Variants in ZC4H2 observed in about 807,000 individuals in gnomAD.
ZC4H2 encodes the protein zinc finger C4H2-type containing.
For missense variants in ZC4H2, 137 were observed against 173.9 expected, an observed-to-expected ratio of 0.79 and a Z score of 1.19; for synonymous variants, 84 against 66.3, an observed-to-expected ratio of 1.27 and a Z score of -1.30.
At chrX:64,962,462 G>A (rs1340447679) in intron 1 of ZC4H2, among the ~76,000 whole-genome samples, 2 of 111,209 alleles carry the variant, frequency 1.8e-5, no homozygotes, top group Non-Finnish European at 3.8e-5. Flanking sequence ...ATACTTAATG[G>A]TAAAACACTG....
chrX:64,995,635 C>T (rs1932398879), intron 1 of ZC4H2, among the ~76,000 whole-genome samples: 1 of 112,560 alleles, frequency 8.9e-6, no homozygotes, highest in Admixed American at 9.4e-5. Flanking sequence ...GCTGGGATTA[C>T]AGGCGTGAGC....
rs1314686230 is a variant in ZC4H2, at chrX:64,916,790, G to A, written c.*993C>T. ...GCAGCTATCCTGAGCTGAGGCTCCA[G>A]AAGAGTTCAGATCCAAGAGAGCAAG... On this transcript the variant is annotated 3_prime_UTR_variant, in exon 5 of 5. Transcript: ENST00000374839. 1.8e-5 allele frequency: 2 copies of A among 111,819 alleles called. No homozygotes were observed. Among genetic ancestry groups the A allele is most frequent in the Non-Finnish European group, 3.8e-5 (2 of 53,165 alleles). 9.2% of individuals were successfully genotyped at this position (111,819 alleles called of 1,213,427 possible).
At chrX:64,987,827 G>A (rs1192173751) in intron 1 of ZC4H2, among the ~76,000 whole-genome samples, 1 of 105,693 alleles carries the variant, frequency 9.5e-6, no homozygotes, top group Non-Finnish European at 1.9e-5. Flanking sequence ...TTGGTATGCT[G>A]CACCCATTAA....
intron 1 of ZC4H2, among the ~76,000 whole-genome samples, chrX:64,943,510 T>C (rs757895643): frequency 1.8e-5 from 2 of 112,056 alleles, no homozygotes; most frequent in African/African-American, 3.2e-5. Flanking sequence ...TGAATCTTGG[T>C]GCTCCTGTAT....
intron 1 of ZC4H2, among the ~76,000 whole-genome samples, chrX:64,926,692 C>T (rs754812879): frequency 7.1e-5 from 8 of 112,256 alleles, no homozygotes; most frequent in Non-Finnish European, 1.5e-4. Context: ...CTGCTCATGT[C>T]TTTGGTTCAT....
At chrX:64,919,242 AG>A (rs781698941) in intron 3 of ZC4H2, 38 bp from the exon 4 acceptor site, 545 of 1,199,299 alleles carry the variant, frequency 4.5e-4, no homozygotes, top group Non-Finnish European at 5.5e-4. Flanking sequence ...TCATTCTGAA[AG>A]CAATGAGAAC....
intron 1 of ZC4H2, among the ~76,000 whole-genome samples, chrX:64,943,610 GTTGT>G (rs1467439314): frequency 9.5e-6 from 1 of 105,007 alleles, no homozygotes; most frequent in Non-Finnish European, 2.0e-5. Flanking sequence ...CTTGATCTTT[GTTGT>G]TTAAGGTCTG....
chrX:64,954,356 T>TATA lies in ZC4H2; in HGVS notation c.53+21968_53+21969insTAT, dbSNP rs1555942026. 5.9e-5 allele frequency among the ~76,000 whole-genome samples: 4 copies of TATA among 67,384 alleles called. 1 individual carries two copies. The highest frequency in any genetic ancestry group is 5.6e-4 in the African/African-American group (4 of 7,202). 58.5% of individuals were successfully genotyped at this position (67,384 alleles called of 115,157 possible). On this transcript the variant is annotated intron_variant, in intron 1 of 4. Transcript: ENST00000374839. ...TATATATAATTATATATATATATAA[T>TATA]TATATATATATATATAATTATATAT...
At chrX:64,989,214 T>C (rs1443224977) in intron 1 of ZC4H2, among the ~76,000 whole-genome samples, 1 of 111,849 alleles carries the variant, frequency 8.9e-6, no homozygotes. Flanking sequence ...TCTTCTTTGG[T>C]TCCATATGAA....
intron 1 of ZC4H2, among the ~76,000 whole-genome samples, chrX:64,982,207 A>C (rs1932096506): frequency 8.9e-6 from 1 of 111,797 alleles, no homozygotes. Context: ...AGAGTGACCA[A>C]AACTGACTGT....
intron 1 of ZC4H2, among the ~76,000 whole-genome samples, chrX:64,935,383 G>A (rs1286753833): frequency 1.8e-5 from 2 of 112,263 alleles, no homozygotes; most frequent in African/African-American, 3.2e-5. Context: ...GGAAGGGGCA[G>A]TGGTGGACAC....
At chrX:64,952,454 A>T (rs1202148123) in intron 1 of ZC4H2, among the ~76,000 whole-genome samples, 3 of 110,859 alleles carry the variant, frequency 2.7e-5, no homozygotes, top group South Asian at 3.9e-4. Context: ...CAAGCTGATA[A>T]GCAACTTCAG....
intron 1 of ZC4H2, among the ~76,000 whole-genome samples, chrX:64,954,580 C>G (rs190254793): frequency 9.5e-6 from 1 of 104,958 alleles, no homozygotes; most frequent in Admixed American, 1.1e-4. Flanking sequence ...AATGCTGATG[C>G]TGTTTCTGAA....
At chrX:65,029,711 G>A (rs1932915961) in intron 1 of ZC4H2, among the ~76,000 whole-genome samples, 1 of 111,344 alleles carries the variant, frequency 9.0e-6, no homozygotes, top group Non-Finnish European at 1.9e-5. Flanking sequence ...GAGGAATAAG[G>A]GTATAATATG....
intron 1 of ZC4H2, among the ~76,000 whole-genome samples, chrX:64,923,663 A>C (rs954803994): frequency 1.9e-5 from 2 of 103,675 alleles, no homozygotes; most frequent in African/African-American, 8.1e-5. Context: ...TACTAAGAAA[A>C]CATCTTTTCA....
At chrX:64,938,908 A>C (rs1307934983) in intron 1 of ZC4H2, among the ~76,000 whole-genome samples, 1 of 112,301 alleles carries the variant, frequency 8.9e-6, no homozygotes, top group Non-Finnish European at 1.9e-5. Context: ...CACCACTTCT[A>C]TTCCACATAG....
chrX:64,963,835 T>C (rs1931489799), intron 1 of ZC4H2, among the ~76,000 whole-genome samples: 3 of 111,569 alleles, frequency 2.7e-5, no homozygotes, highest in African/African-American at 9.7e-5. Flanking sequence ...ATTAACAATG[T>C]AGTATATTTA....
chrX:64,987,750 A>G (rs1418567901), intron 1 of ZC4H2, among the ~76,000 whole-genome samples: 1 of 107,582 alleles, frequency 9.3e-6, no homozygotes, highest in African/African-American at 3.4e-5. Context: ...TATTATTATT[A>G]TACTTTAAGT....
chrX:64,966,102 T>C (rs1205382094), intron 1 of ZC4H2, among the ~76,000 whole-genome samples: 1 of 111,228 alleles, frequency 9.0e-6, no homozygotes, highest in Non-Finnish European at 1.9e-5. Flanking sequence ...AAACTCACAA[T>C]CAGTAAACAA....
Sources: allele counts gnomAD v4.1 joint callset (sites outside exome capture counted in the v4.1 genomes callset), GRCh38; gene constraint gnomAD v4.1.1; transcripts MANE v1.5; gene names NCBI Gene and HGNC (gene_info 2026-07-23, HGNC 2026-07-21).